The following ARL15 variants were observed in gnomAD, a reference collection of about 807,000 sequenced individuals.
ARL15 encodes ARF like GTPase 15, also known as ADP-ribosylation factor-like protein 15.
A neutral mutation model predicts 25.2 loss-of-function variants in ARL15; 19 were observed. The ratio of observed to expected loss-of-function variants is 0.75; its 90% CI spans 0.53 to 1.10. The LOEUF is 1.10. Among genes scored for constraint, ARL15 ranks in the 50% least tolerant of loss-of-function variants. The pLI is 0.00. For missense variants in ARL15, 220 were observed against 246.0 expected, an observed-to-expected ratio of 0.89 and a Z score of 0.71; for synonymous variants, 94 against 86.8, an observed-to-expected ratio of 1.08 and a Z score of -0.46.
intron 4 of ARL15, among the ~76,000 whole-genome samples, chr5:53,905,496 A>G (rs1420443574): frequency 6.6e-6 from 1 of 152,216 alleles, no homozygotes; most frequent in African/African-American, 2.4e-5. Context: ...CCAATTTTCT[A>G]GACCCAGAAC....
chr5:54,130,334 G>C (rs1753392343), intron 3 of ARL15, among the ~76,000 whole-genome samples: 2 of 152,132 alleles, frequency 1.3e-5, no homozygotes. Context: ...TTTAAAAAAA[G>C]TGTTCTGGGA....
At position 54,030,161 on chromosome 5, in the gene ARL15, C is replaced by T. The variant is rs115163699; in HGVS notation, c.462+83041G>A. Among the ~76,000 whole-genome samples, 796 of 152,128 alleles carry T rather than the reference C, an allele frequency of 5.2e-3. 3 individuals carry two copies. The highest frequency in any genetic ancestry group is 0.011 in the Admixed American group (173 of 15,286). On this transcript the variant is annotated intron_variant, in intron 4 of 4. Transcript: ENST00000504924. ...CTGTATTCCAGTCTGGGCAACAGAG[C>T]AACACCCTGTTTCAAAAAAGGACTT...
intron 4 of ARL15, among the ~76,000 whole-genome samples, chr5:53,887,917 A>G (rs565247552): frequency 1.3e-5 from 2 of 152,286 alleles, no homozygotes; most frequent in South Asian, 4.1e-4. Flanking sequence ...TGGTATTAAT[A>G]TGTTTGTACA....
intron 4 of ARL15, among the ~76,000 whole-genome samples, chr5:54,083,696 T>C (rs996902821): frequency 6.6e-6 from 1 of 152,200 alleles, no homozygotes; most frequent in Non-Finnish European, 1.5e-5. Context: ...CTCTGAGCTG[T>C]CAAACTTACA....
chr5:54,050,962 A>G (rs1480744086), intron 4 of ARL15, among the ~76,000 whole-genome samples: 3 of 152,184 alleles, frequency 2.0e-5, no homozygotes, highest in Non-Finnish European at 4.4e-5. Flanking sequence ...AGTAATTTAA[A>G]CTGTAAGTCA....
At chr5:54,261,329 G>T (rs1757492587) in intron 1 of ARL15, among the ~76,000 whole-genome samples, 1 of 152,118 alleles carries the variant, frequency 6.6e-6, no homozygotes, top group African/African-American at 2.4e-5. Context: ...TTGAACCATG[G>T]GAATTCACTG....
chr5:53,977,217 C>G (rs558832760), intron 4 of ARL15, among the ~76,000 whole-genome samples: 4 of 151,906 alleles, frequency 2.6e-5, no homozygotes, highest in Non-Finnish European at 5.9e-5. Flanking sequence ...ATTAGCCGGG[C>G]GTGGTGGCGG....
At chr5:53,912,239 A>G (rs1052376343) in intron 4 of ARL15, 4 of 152,272 alleles carry the variant, frequency 2.6e-5, no homozygotes, top group Admixed American at 1.3e-4. Context: ...CGAAGCTTAG[A>G]CAGGTTAAAG....
chr5:54,072,603 AG>A (rs1751461815), intron 4 of ARL15, among the ~76,000 whole-genome samples: 1 of 152,200 alleles, frequency 6.6e-6, no homozygotes, highest in African/African-American at 2.4e-5. Flanking sequence ...CAAATTCTCT[AG>A]GGAAAAAAAT....
intron 4 of ARL15, among the ~76,000 whole-genome samples, chr5:54,105,939 A>T (rs1342191421): frequency 1.3e-5 from 2 of 152,202 alleles, no homozygotes; most frequent in African/African-American, 4.8e-5. Flanking sequence ...AAATCTAAAC[A>T]GGAAAAAAAT....
At chr5:54,247,231 T>C (rs944596638) in intron 1 of ARL15, among the ~76,000 whole-genome samples, 3 of 152,226 alleles carry the variant, frequency 2.0e-5, no homozygotes, top group South Asian at 4.2e-4. Context: ...TGTTTTTTTT[T>C]TTTAAGGAAA....
intron 4 of ARL15, among the ~76,000 whole-genome samples, chr5:54,009,575 A>G (rs2059050640): frequency 6.6e-6 from 1 of 152,220 alleles, no homozygotes. Flanking sequence ...CCTGCTTACA[A>G]CACTATGGAC....
intron 4 of ARL15, among the ~76,000 whole-genome samples, chr5:54,071,259 A>C (rs1751409371): frequency 6.6e-6 from 1 of 152,158 alleles, no homozygotes; most frequent in African/African-American, 2.4e-5. Context: ...ACTAAGTATG[A>C]TTATGTGTGC....
In ARL15 at chr5:54,171,820, A is replaced by C. The variant is rs753847657; in HGVS notation, c.157T>G (p.Cys53Gly). 1 of 1,613,474 alleles carries C rather than the reference A, an allele frequency of 6.2e-7. No homozygotes were observed. Among genetic ancestry groups the C allele is most frequent in the Admixed American group, 1.7e-5 (1 of 59,958 alleles). Residue 53 changes from cysteine (C) to glycine (G), a missense_variant, in exon 2 of 5, where the codon TGC becomes GGC. Cys to Gly is a radical substitution (Grantham distance 159, BLOSUM62 -3). Transcript: ENST00000504924. Reference protein sequence around the residue: ...SGKTSLLSKLCSESPDNVVST... With the variant: ...SGKTSLLSKLGSESPDNVVST... Reference sequence around the variant, plus strand: ...ACGACGTTATCGGGGCTTTCACTGCAGAGTTTGGACAACAGACTGGTTTTG... The same window carrying C: ...ACGACGTTATCGGGGCTTTCACTGCCGAGTTTGGACAACAGACTGGTTTTG...
chr5:54,026,760 A>C (rs962144142), intron 4 of ARL15, among the ~76,000 whole-genome samples: 5 of 152,106 alleles, frequency 3.3e-5, no homozygotes, highest in African/African-American at 1.2e-4. Flanking sequence ...TTTTGCAACA[A>C]CACCTGTTCC....
chr5:54,154,700 G>T, intron 2 of ARL15, 61 bp from the exon 3 acceptor site: 1 of 1,035,370 alleles, frequency 9.7e-7, no homozygotes, highest in Non-Finnish European at 1.4e-6. Context: ...AAAACACTTA[G>T]GATGCTCAAA....
At chr5:54,287,532 C>T (rs145281071) in intron 1 of ARL15, among the ~76,000 whole-genome samples, 39 of 151,488 alleles carry the variant, frequency 2.6e-4, no homozygotes, top group African/African-American at 8.7e-4. Context: ...TCCCATAATG[C>T]GCAAGCATCT....
intron 4 of ARL15, among the ~76,000 whole-genome samples, chr5:53,990,701 A>C (rs1561179247): frequency 6.6e-6 from 1 of 152,230 alleles, no homozygotes; most frequent in South Asian, 2.1e-4. Flanking sequence ...TTCTGAAGAA[A>C]GCTGGGTACA....
At chr5:54,257,994 A>G (rs774160561) in intron 1 of ARL15, among the ~76,000 whole-genome samples, 1 of 152,104 alleles carries the variant, frequency 6.6e-6, no homozygotes, top group Non-Finnish European at 1.5e-5. Context: ...ACACACAGTC[A>G]TAGAATCACA....
Sources: allele counts gnomAD v4.1 joint callset (sites outside exome capture counted in the v4.1 genomes callset), GRCh38; gene constraint gnomAD v4.1.1; transcripts MANE v1.5; gene names NCBI Gene and HGNC (gene_info 2026-07-23, HGNC 2026-07-21).